Variants in KANTR observed in about 807,000 individuals in gnomAD.
The protein encoded by KANTR is KDM5C adjacent transcript.
chrX:53,104,181 T>C (rs1556812312), intron 2 of KANTR, among the ~76,000 whole-genome samples: 1 of 109,658 alleles, frequency 9.1e-6, no homozygotes, highest in African/African-American at 3.3e-5. Flanking sequence ...ATAATAAATA[T>C]TATTATAAAT....
At chrX:53,098,254 A>T (rs1291512155) in intron 1 of KANTR, among the ~76,000 whole-genome samples, 1 of 110,950 alleles carries the variant, frequency 9.0e-6, no homozygotes, top group African/African-American at 3.3e-5. Flanking sequence ...TAAGTGTACA[A>T]TAGCATTGTA....
intron 2 of KANTR, among the ~76,000 whole-genome samples, chrX:53,105,754 C>T (rs1293526454): frequency 1.8e-5 from 2 of 108,188 alleles, no homozygotes; most frequent in Non-Finnish European, 3.8e-5. Flanking sequence ...CCTGCCTCGG[C>T]CTCCCAAAGT....
intron 1 of KANTR, among the ~76,000 whole-genome samples, chrX:53,096,575 C>T (rs1932846391): frequency 8.9e-6 from 1 of 112,432 alleles, no homozygotes; most frequent in South Asian, 3.6e-4. Context: ...CCTGTAATCC[C>T]AGCACTTTGG....
intron 2 of KANTR, among the ~76,000 whole-genome samples, chrX:53,110,922 C>CA (rs1160968426): frequency 8.3e-4 from 76 of 91,746 alleles, no homozygotes; most frequent in African/African-American, 1.4e-3. Context: ...GACTCTGTCT[C>CA]AAAAAAAAAA....
chrX:53,117,388 C>A (rs370163918), intron 2 of KANTR, among the ~76,000 whole-genome samples: 2 of 110,816 alleles, frequency 1.8e-5, no homozygotes, highest in African/African-American at 6.6e-5. Context: ...TTAATGATAT[C>A]ATCTACCTGT....
downstream of KANTR, chrX:53,143,334 G>A: frequency 1.4e-6 from 1 of 713,573 alleles, no homozygotes; most frequent in Non-Finnish European, 2.2e-6. Flanking sequence ...GAAGCTTGGT[G>A]AGGATCTTCA....
At chrX:53,129,268 T>TGTGTGTGTGTG (rs1569239787), downstream of KANTR, among the ~76,000 whole-genome samples, 20 of 106,414 alleles carry the variant, frequency 1.9e-4, no homozygotes, top group South Asian at 8.4e-4. Context: ...TGTGTGTGTG[T>TGTGTGTGTGTG]TTAGTAGAGA....
At chrX:53,137,799 A>G (rs1204256222) in intron 2 of KANTR, among the ~76,000 whole-genome samples, 9 of 109,258 alleles carry the variant, frequency 8.2e-5, no homozygotes, top group African/African-American at 3.0e-4. Context: ...GTTTTTCCCT[A>G]GTTATTGCCC....
At chrX:53,129,065 C>CT (rs10550250), downstream of KANTR, among the ~76,000 whole-genome samples, 91 of 55,437 alleles carry the variant, frequency 1.6e-3, 1 homozygote, top group Middle Eastern at 0.011. Context: ...TCTTCTTCTT[C>CT]TTTTTTTTTT....
chrX:53,144,627 C>T (rs1285232302), downstream of KANTR, among the ~76,000 whole-genome samples: 1 of 109,790 alleles, frequency 9.1e-6, no homozygotes, highest in Non-Finnish European at 1.9e-5. Context: ...ACCTGAGAGG[C>T]GGAGGTCGCA....
At chrX:53,113,157 T>C in intron 2 of KANTR, 1 of 267,266 alleles carries the variant, frequency 3.7e-6, no homozygotes. Flanking sequence ...ATTCCAGCCA[T>C]CAGAGCGTGG....
At chrX:53,102,365 A>G (rs781829013) in intron 2 of KANTR, among the ~76,000 whole-genome samples, 3 of 112,156 alleles carry the variant, frequency 2.7e-5, no homozygotes, top group African/African-American at 6.5e-5. Context: ...GGCTCTTCCA[A>G]TATGGAACAG....
At chrX:53,104,542 A>G (rs1217257223) in intron 2 of KANTR, among the ~76,000 whole-genome samples, 2 of 110,976 alleles carry the variant, frequency 1.8e-5, no homozygotes, top group East Asian at 2.8e-4. Flanking sequence ...AAGAAGCTTC[A>G]TACTCATTAG....
downstream of KANTR, chrX:53,142,795 G>A (rs1342067519): frequency 8.5e-6 from 4 of 468,620 alleles, no homozygotes; most frequent in African/African-American, 7.1e-5. Context: ...ATACATACCT[G>A]ATGGCTAACC....
chrX:53,112,149 A>G (rs1189906270), intron 2 of KANTR, among the ~76,000 whole-genome samples: 1 of 110,420 alleles, frequency 9.1e-6, no homozygotes, highest in Non-Finnish European at 1.9e-5. Context: ...CAAGTCCCCA[A>G]AGTCCATTGT....
At chrX:53,144,556 C>A (rs1158499425), downstream of KANTR, among the ~76,000 whole-genome samples, 1 of 110,993 alleles carries the variant, frequency 9.0e-6, no homozygotes, top group African/African-American at 3.3e-5. Context: ...ATTAGCCGGG[C>A]ATGGTGGTAC....
At chrX:53,144,282 C>G (rs146022417), downstream of KANTR, among the ~76,000 whole-genome samples, 754 of 111,439 alleles carry the variant, frequency 6.8e-3, 8 homozygotes, top group African/African-American at 0.024. Flanking sequence ...GTAGTCCCAG[C>G]TACCCAGGAG....
chrX:53,144,265 C>T (rs989792826), downstream of KANTR, among the ~76,000 whole-genome samples: 1 of 111,048 alleles, frequency 9.0e-6, no homozygotes, highest in Non-Finnish European at 1.9e-5. Flanking sequence ...CATGGTGGTG[C>T]GTGCCTGTAG....
intron 2 of KANTR, among the ~76,000 whole-genome samples, chrX:53,109,485 T>C (rs1285744853): frequency 8.9e-6 from 1 of 111,939 alleles, no homozygotes; most frequent in Non-Finnish European, 1.9e-5. Context: ...GGTTTCGCCA[T>C]GTTGGCCAGC....
Sources: allele counts gnomAD v4.1 joint callset (sites outside exome capture counted in the v4.1 genomes callset), GRCh38; gene constraint gnomAD v4.1.1; transcripts MANE v1.5; gene names NCBI Gene and HGNC (gene_info 2026-07-23, HGNC 2026-07-21).